PAG1: variants seen among roughly 807,000 people sequenced by gnomAD.
The protein encoded by PAG1 is phosphoprotein membrane anchor with glycosphingolipid microdomains 1, also known as phosphoprotein associated with glycosphingolipid-enriched microdomains 1.
In PAG1, 23 loss-of-function variants were observed where a neutral mutation model predicts 31.7. The observed-to-expected ratio is 0.73, with a 90% CI of 0.52 to 1.03. The LOEUF (loss-of-function observed/expected upper bound fraction) is 1.03, where lower values mean the gene tolerates loss of function less well. Among genes scored for constraint, PAG1 ranks in the 50% least tolerant of loss-of-function variants. The pLI is 0.00. For synonymous variants in PAG1, 214 were observed against 210.3 expected (o/e 1.02, Z -0.15); for missense variants, 473 against 540.7 (o/e 0.87, Z 1.24).
intron 2 of PAG1, among the ~76,000 whole-genome samples, chr8:81,061,875 C>T (rs1169253959): frequency 6.6e-6 from 1 of 152,074 alleles, no homozygotes; most frequent in African/African-American, 2.4e-5. Context: ...AGGAGCCATC[C>T]TCTATGCTTT....
At chr8:81,034,499 G>A (rs1808430784) in intron 2 of PAG1, among the ~76,000 whole-genome samples, 1 of 152,164 alleles carries the variant, frequency 6.6e-6, no homozygotes, top group African/African-American at 2.4e-5. Context: ...TGTTGCAATG[G>A]AAATAAACCA....
chr8:80,977,426 G>A (rs1392681107), intron 8 of PAG1, among the ~76,000 whole-genome samples: 1 of 152,166 alleles, frequency 6.6e-6, no homozygotes, highest in Non-Finnish European at 1.5e-5. Context: ...CGGGGCTGGG[G>A]CCCAGCAACC....
intron 3 of PAG1, among the ~76,000 whole-genome samples, chr8:81,014,127 T>TA (rs1424994471): frequency 5.3e-5 from 8 of 152,258 alleles, no homozygotes; most frequent in African/African-American, 1.7e-4. Context: ...CAAACAAACG[T>TA]AAAAAATATG....
At chr8:81,021,176 A>T (rs915682273) in intron 3 of PAG1, among the ~76,000 whole-genome samples, 4 of 152,220 alleles carry the variant, frequency 2.6e-5, no homozygotes, top group Non-Finnish European at 5.9e-5. Flanking sequence ...TTTGCTATAG[A>T]TGACTATGTT....
chr8:81,108,090 C>G (rs774565568), intron 1 of PAG1, among the ~76,000 whole-genome samples: 1 of 152,138 alleles, frequency 6.6e-6, no homozygotes, highest in Non-Finnish European at 1.5e-5. Flanking sequence ...AAATAGATAA[C>G]AGATAACATA....
chr8:80,985,189 G>C lies in PAG1; in HGVS notation c.463C>G (p.Gln155Glu), dbSNP rs1807390968. The change falls in exon 7 of 9, where the codon CAG becomes GAG. Residue 155 changes from glutamine to glutamate, a missense_variant. Transcript: ENST00000220597. ...MLTARSVDGD[Q>E]GLGMEGPYEV... ...TAGGGCCCTTCCATCCCCAGCCCCT[G>C]GTCCCCGTCCACACTTCTCGCCGTG... 5 of 1,614,030 alleles carry C rather than the reference G, an allele frequency of 3.1e-6. No individual in the cohort carries two copies. The highest frequency in any genetic ancestry group is 4.2e-6 in the Non-Finnish European group (5 of 1,179,982).
intron 1 of PAG1, among the ~76,000 whole-genome samples, chr8:81,110,796 G>C (rs1030454699): frequency 6.6e-6 from 1 of 152,176 alleles, no homozygotes; most frequent in Admixed American, 6.5e-5. Flanking sequence ...AATTTGAAGA[G>C]TGCACTCTGT....
intron 3 of PAG1, among the ~76,000 whole-genome samples, chr8:81,008,535 TATA>T (rs2130650522): frequency 6.7e-6 from 1 of 148,496 alleles, no homozygotes; most frequent in South Asian, 2.1e-4. Flanking sequence ...ATATAATATA[TATA>T]ATACTACATA....
At chr8:80,996,507 A>G (rs1012325932) in intron 3 of PAG1, among the ~76,000 whole-genome samples, 1 of 152,008 alleles carries the variant, frequency 6.6e-6, no homozygotes, top group Admixed American at 6.5e-5. Flanking sequence ...TTGGCAGCTC[A>G]TCTACAACTG....
intron 2 of PAG1, among the ~76,000 whole-genome samples, chr8:81,030,960 G>A (rs1808370019): frequency 1.3e-5 from 2 of 152,324 alleles, no homozygotes; most frequent in Non-Finnish European, 2.9e-5. Flanking sequence ...TATCTTGGCT[G>A]TTGACTAAGA....
At chr8:81,065,865 C>CAT (rs143364681) in intron 2 of PAG1, among the ~76,000 whole-genome samples, 7,940 of 150,256 alleles carry the variant, frequency 0.053, 733 homozygotes, top group African/African-American at 0.18. Context: ...TATCATATGT[C>CAT]ATATATATAT....
intron 1 of PAG1, among the ~76,000 whole-genome samples, chr8:81,094,853 T>C (rs1809500629): frequency 6.6e-6 from 1 of 152,224 alleles, no homozygotes; most frequent in African/African-American, 2.4e-5. Context: ...CAGGACTCTC[T>C]ATGAAAAGAA....
chr8:81,111,588 T>G lies in PAG1; in HGVS notation c.-234+3A>C, dbSNP rs1809774242. 6.6e-6 allele frequency: 1 copy of G among 152,246 alleles called. No individual in the cohort carries two copies. Among genetic ancestry groups the G allele is most frequent in the African/African-American group, 2.4e-5 (1 of 41,436 alleles). The allele number at this position is 152,246 out of a possible 1,614,324, so 9.4% of individuals were successfully genotyped here. ...CCAACTTCAGAAACTACAGTCAACT[T>G]ACTGGGACTCAGGAGGCAGGGAGTC... On this transcript the variant is annotated splice_donor_region_variant and intron_variant, in intron 1 of 8. Transcript: ENST00000220597.
intron 1 of PAG1, among the ~76,000 whole-genome samples, chr8:81,076,304 C>G (rs2002019): frequency 0.014 from 2,105 of 152,290 alleles, 50 homozygotes; most frequent in African/African-American, 0.047. Flanking sequence ...TTGGTATCAC[C>G]TAACAGCCCA....
intron 1 of PAG1, among the ~76,000 whole-genome samples, chr8:81,099,902 AT>A (rs1436369389): frequency 6.6e-6 from 1 of 152,198 alleles, no homozygotes; most frequent in Non-Finnish European, 1.5e-5. Flanking sequence ...TGAAAAACTC[AT>A]TTCCTAAATT....
At chr8:81,090,683 T>A (rs930847813) in intron 1 of PAG1, among the ~76,000 whole-genome samples, 2 of 152,134 alleles carry the variant, frequency 1.3e-5, no homozygotes, top group Non-Finnish European at 2.9e-5. Context: ...ATAGGACACC[T>A]GAAGAGGGAA....
At chr8:81,085,972 G>GTGTTTTTTTTTTTTTTTT (rs1809345255) in intron 1 of PAG1, among the ~76,000 whole-genome samples, 1 of 58,876 alleles carries the variant, frequency 1.7e-5, no homozygotes, top group African/African-American at 7.3e-5. Context: ...AATCTGGCTT[G>GTGTTTTTTTTTTTTTTTT]TTTTTTTTTT....
rs1316332012 is a variant in PAG1 at position 81,062,017 on chromosome 8, A to G, written c.-175+8095T>C. 2.0e-5 allele frequency among the ~76,000 whole-genome samples: 3 copies of G among 152,232 alleles called. No individual in the cohort carries two copies. The East Asian group carries it at 5.8e-4, about 29-fold the overall frequency. ...GTGTCTTTGAGGCATATTTTAAAAT[A>G]CTACATATTTATTATATTAAGAGAT... On this transcript the variant is annotated intron_variant, in intron 2 of 8. Coordinates refer to ENST00000220597, the MANE Select transcript of PAG1 (RefSeq NM_018440.4).
chr8:81,084,346 A>T (rs1563424728), intron 1 of PAG1, among the ~76,000 whole-genome samples: 1 of 152,180 alleles, frequency 6.6e-6, no homozygotes, highest in Non-Finnish European at 1.5e-5. Flanking sequence ...TGCTATGCTG[A>T]AAAGGCTGCA....
Sources: gnomAD v4.1 joint callset for allele counts (sites outside exome capture counted in the v4.1 genomes callset) on GRCh38, gnomAD v4.1.1 for gene constraint, MANE v1.5 for transcripts, NCBI Gene and HGNC (gene_info 2026-07-23, HGNC 2026-07-21) for gene names.